The following NCAM1 variants were observed in gnomAD, a reference collection of about 807,000 sequenced individuals.
The protein encoded by NCAM1 is neural cell adhesion molecule 1.
A neutral mutation model predicts 109.8 loss-of-function variants in NCAM1; 14 were observed. The ratio of observed to expected loss-of-function variants is 0.13; its 90% CI spans 0.08 to 0.20. The LOEUF is 0.20. Among genes scored for constraint, NCAM1 ranks in the 10% least tolerant of loss-of-function variants. The probability of loss-of-function intolerance (pLI) is 1.00; values close to 1 mark genes in which losing one functional copy is unlikely to be tolerated. For synonymous variants in NCAM1, 418 were observed against 442.9 expected (o/e 0.94, Z 0.70); for missense variants, 774 against 1,109.9 (o/e 0.70, Z 4.30).
chr11:113,252,125 T>C (rs774706723), intron 15 of NCAM1, among the ~76,000 whole-genome samples: 1 of 152,202 alleles, frequency 6.6e-6, no homozygotes, highest in African/African-American at 2.4e-5. Context: ...GTAGAAATAC[T>C]GTCATAGGCT....
At chr11:112,997,625 G>A (rs1951630737) in intron 1 of NCAM1, among the ~76,000 whole-genome samples, 1 of 152,116 alleles carries the variant, frequency 6.6e-6, no homozygotes, top group Non-Finnish European at 1.5e-5. Context: ...GTTACCATAT[G>A]TAGCCCCCTC....
chr11:113,024,149 A>C (rs1213567125), intron 1 of NCAM1, among the ~76,000 whole-genome samples: 2 of 152,212 alleles, frequency 1.3e-5, no homozygotes, highest in African/African-American at 2.4e-5. Flanking sequence ...CTTGTGCCTC[A>C]GAGAATCTAC....
intron 1 of NCAM1, among the ~76,000 whole-genome samples, chr11:112,996,767 G>A (rs1555071490): frequency 6.6e-6 from 1 of 152,220 alleles, no homozygotes; most frequent in East Asian, 1.9e-4. Flanking sequence ...CCCCTAGTTT[G>A]CTACTTTTAG....
chr11:113,185,668 G>C (rs1157199430), intron 1 of NCAM1, among the ~76,000 whole-genome samples: 2 of 152,166 alleles, frequency 1.3e-5, no homozygotes, highest in East Asian at 3.9e-4. Context: ...TGGCCAAGTA[G>C]GCAGAACAAC....
In NCAM1 at chr11:113,277,115, G is replaced by GA. The variant is rs1421866063; in HGVS notation, c.*1729dup. The GA allele has an allele frequency of 5.2e-6, 2 of 385,462 alleles. No individual in the cohort carries two copies. Among genetic ancestry groups the GA allele is most frequent in the Admixed American group, 4.5e-5 (1 of 22,304 alleles). The allele number at this position is 385,462 out of a possible 1,614,324, so 23.9% of individuals were successfully genotyped here. ...TACAGATGATGATGATGATGATGAA[G>GA]ATGATGCTAAGTAAACAGAAATCAG... is the stretch of plus-strand genomic sequence containing the variant. On this transcript the variant is annotated 3_prime_UTR_variant, in exon 20 of 20. Coordinates refer to ENST00000316851, the MANE Select transcript of NCAM1 (RefSeq NM_181351.5).
intron 11 of NCAM1, 141 bp from the exon 12 acceptor site, chr11:113,232,577 C>T (rs2137245471): frequency 1.2e-6 from 1 of 825,282 alleles, no homozygotes; most frequent in East Asian, 2.7e-5. Flanking sequence ...CTATTCTTTT[C>T]TCTTGTTTAA....
intron 1 of NCAM1, among the ~76,000 whole-genome samples, chr11:113,024,364 G>A (rs1251751652): frequency 1.3e-5 from 2 of 152,074 alleles, no homozygotes; most frequent in African/African-American, 4.8e-5. Flanking sequence ...TTATATTTTA[G>A]GTATTTTTTA....
intron 1 of NCAM1, 65 bp downstream of exon 1, chr11:112,961,729 G>A: frequency 9.7e-7 from 1 of 1,035,126 alleles, no homozygotes; most frequent in Non-Finnish European, 1.5e-6. Context: ...CTACTCCTAG[G>A]AGGAACGCTA....
intron 1 of NCAM1, among the ~76,000 whole-genome samples, chr11:113,130,017 G>T (rs1007785447): frequency 6.6e-6 from 1 of 152,110 alleles, no homozygotes; most frequent in African/African-American, 2.4e-5. Context: ...GGATGTACAC[G>T]TGGGTGTCTA....
chr11:113,024,639 A>T (rs1952484805), intron 1 of NCAM1, among the ~76,000 whole-genome samples: 1 of 152,070 alleles, frequency 6.6e-6, no homozygotes, highest in Non-Finnish European at 1.5e-5. Context: ...ATCATTATGG[A>T]GTTTATATTT....
chr11:113,087,016 T>A (rs1939122537), intron 1 of NCAM1, among the ~76,000 whole-genome samples: 1 of 152,234 alleles, frequency 6.6e-6, no homozygotes, highest in Non-Finnish European at 1.5e-5. Flanking sequence ...ACTGTGCAGA[T>A]TAGTTCAAGC....
chr11:113,184,998 T>C (rs1555108613), intron 1 of NCAM1, among the ~76,000 whole-genome samples: 1 of 150,694 alleles, frequency 6.6e-6, no homozygotes, highest in African/African-American at 2.5e-5. Context: ...AGGAGATACA[T>C]ACACACACAT....
At chr11:113,256,135 G>A in intron 16 of NCAM1, 134 bp downstream of exon 16, 1 of 1,207,462 alleles carries the variant, frequency 8.3e-7, no homozygotes, top group Non-Finnish European at 1.1e-6. Context: ...GTGGCCCATG[G>A]GCCCTGGCCA....
At chr11:113,165,096 C>G (rs1942743278) in intron 1 of NCAM1, among the ~76,000 whole-genome samples, 2 of 152,138 alleles carry the variant, frequency 1.3e-5, no homozygotes, top group African/African-American at 2.4e-5. Context: ...AGCAAGCACC[C>G]AGCATGACAA....
At chr11:113,054,023 G>C (rs944325508) in intron 1 of NCAM1, among the ~76,000 whole-genome samples, 1 of 152,188 alleles carries the variant, frequency 6.6e-6, no homozygotes, top group Non-Finnish European at 1.5e-5. Flanking sequence ...GGGTCAGGTT[G>C]GTGGCCCAGC....
At chr11:112,997,784 G>T (rs1360762591) in intron 1 of NCAM1, among the ~76,000 whole-genome samples, 1 of 152,156 alleles carries the variant, frequency 6.6e-6, no homozygotes, top group African/African-American at 2.4e-5. Context: ...TTATCCCCAT[G>T]AAAGATTATT....
chr11:113,269,781 G>A, intron 17 of NCAM1: 1 of 239,512 alleles, frequency 4.2e-6, no homozygotes, highest in Non-Finnish European at 8.2e-6. Context: ...CACTTGAGGA[G>A]CCACAGCCCC....
chr11:113,240,546 C>G (rs1457226814), intron 14 of NCAM1: 1 of 531,762 alleles, frequency 1.9e-6, no homozygotes. Flanking sequence ...GTTCCTGGCC[C>G]AGACTTTACC....
intron 1 of NCAM1, among the ~76,000 whole-genome samples, chr11:113,169,472 G>A (rs1942919250): frequency 6.6e-6 from 1 of 152,158 alleles, no homozygotes; most frequent in African/African-American, 2.4e-5. Context: ...TCACATAGGG[G>A]AAGAGATAAT....
Sources: allele counts gnomAD v4.1 joint callset (sites outside exome capture counted in the v4.1 genomes callset), GRCh38; gene constraint gnomAD v4.1.1; transcripts MANE v1.5; gene names NCBI Gene and HGNC (gene_info 2026-07-23, HGNC 2026-07-21).